Variants in SAMMSON observed in about 807,000 individuals in gnomAD.
SAMMSON encodes long intergenic non-protein coding RNA 1212.
intron 4 of SAMMSON, among the ~76,000 whole-genome samples, chr3:70,220,919 G>GGGCTT (rs1249286717): frequency 6.6e-6 from 1 of 152,118 alleles, no homozygotes; most frequent in Non-Finnish European, 1.5e-5. Flanking sequence ...GCTTAGCACA[G>GGGCTT]GGCTTGGCGT....
At chr3:70,239,021 C>A (rs1012871950) in intron 4 of SAMMSON, among the ~76,000 whole-genome samples, 10 of 151,928 alleles carry the variant, frequency 6.6e-5, no homozygotes, top group Non-Finnish European at 1.5e-4. Context: ...TGAAGGTATG[C>A]CAAAAATGAT....
intron 4 of SAMMSON, chr3:70,197,284 C>G (rs1391547298): frequency 2.5e-6 from 1 of 397,468 alleles, no homozygotes; most frequent in Non-Finnish European, 4.4e-6. Context: ...ATAGCCAACT[C>G]TTAATTATTT....
chr3:70,267,767 G>T (rs1052140074), intron 6 of SAMMSON, among the ~76,000 whole-genome samples: 3 of 151,750 alleles, frequency 2.0e-5, no homozygotes, highest in African/African-American at 7.3e-5. Context: ...TCAGATAAAG[G>T]GTCTTCACTG....
chr3:70,185,176 TCAGACTCCA>T (rs1276034153), intron 4 of SAMMSON, among the ~76,000 whole-genome samples: 1 of 152,128 alleles, frequency 6.6e-6, no homozygotes, highest in Non-Finnish European at 1.5e-5. Context: ...GTTTTAAGCA[TCAGACTCCA>T]CAGAACACGG....
At chr3:70,341,382 T>C (rs1702709387) in intron 7 of SAMMSON, among the ~76,000 whole-genome samples, 2 of 152,026 alleles carry the variant, frequency 1.3e-5, no homozygotes, top group African/African-American at 2.4e-5. Context: ...TTTCCACCAA[T>C]CAAAACCCTG....
rs150687747 is a variant in SAMMSON at position 70,077,614 on chromosome 3, G to A, written n.507+6049G>A. 1.2e-3 allele frequency among the ~76,000 whole-genome samples: 186 copies of A among 152,166 alleles called. 4 individuals carry two copies. The East Asian group carries it at 0.032, about 26-fold the overall frequency. On this transcript the variant is annotated intron_variant and non_coding_transcript_variant, in intron 4 of 9. Coordinates refer to ENST00000642114, the Ensembl canonical transcript of SAMMSON. ...CATATATGTAACATGTGTTTATATAGATCCTATATCAGAATATAAAACATT... is the reference window on the plus strand; with the variant it reads ...CATATATGTAACATGTGTTTATATAAATCCTATATCAGAATATAAAACATT...
intron 3 of SAMMSON, among the ~76,000 whole-genome samples, chr3:70,040,788 G>T (rs752248865): frequency 1.3e-5 from 2 of 152,084 alleles, no homozygotes; most frequent in Non-Finnish European, 2.9e-5. Context: ...TGGAATCCAG[G>T]GGAAAATGAG....
chr3:70,210,354 C>G (rs1246003608), intron 4 of SAMMSON, among the ~76,000 whole-genome samples: 1 of 152,032 alleles, frequency 6.6e-6, no homozygotes, highest in Non-Finnish European at 1.5e-5. Context: ...TCTCATTCCT[C>G]AGTGGGAACT....
At chr3:70,399,028 G>A (rs1701115025) in intron 2 of SAMMSON, among the ~76,000 whole-genome samples, 2 of 152,176 alleles carry the variant, frequency 1.3e-5, no homozygotes. Context: ...AGAGCTAGAA[G>A]CATCTGAAAG....
chr3:70,269,592 C>A (rs974769293), intron 6 of SAMMSON, among the ~76,000 whole-genome samples: 1 of 152,130 alleles, frequency 6.6e-6, no homozygotes, highest in African/African-American at 2.4e-5. Flanking sequence ...GGTTCAGGGG[C>A]TGCCCAGTTC....
chr3:70,308,469 A>G (rs563891345), intron 7 of SAMMSON, among the ~76,000 whole-genome samples: 93 of 152,244 alleles, frequency 6.1e-4, no homozygotes, highest in African/African-American at 2.1e-3. Context: ...GTGTTTCTCA[A>G]ATAAAATTTA....
intron 7 of SAMMSON, among the ~76,000 whole-genome samples, chr3:70,296,890 T>C (rs1348378646): frequency 1.3e-5 from 2 of 151,700 alleles, no homozygotes; most frequent in African/African-American, 4.8e-5. Context: ...ATGTTTCCCA[T>C]TGCCCTTAGA....
chr3:70,060,007 T>C (rs2067181801), intron 3 of SAMMSON, among the ~76,000 whole-genome samples: 1 of 152,084 alleles, frequency 6.6e-6, no homozygotes, highest in Non-Finnish European at 1.5e-5. Flanking sequence ...TGAAGTGCTG[T>C]AGAATGTATG....
At chr3:70,035,391 A>T (rs948802184) in intron 3 of SAMMSON, among the ~76,000 whole-genome samples, 2 of 152,168 alleles carry the variant, frequency 1.3e-5, no homozygotes, top group Non-Finnish European at 2.9e-5. Context: ...GTGTACCCAG[A>T]TAATCTTCCT....
chr3:70,353,478 T>C (rs1053829674), intron 7 of SAMMSON, among the ~76,000 whole-genome samples: 1 of 152,074 alleles, frequency 6.6e-6, no homozygotes, highest in Non-Finnish European at 1.5e-5. Flanking sequence ...AGAAAAGAGA[T>C]GCATTATTCA....
chr3:70,201,789 C>T (rs76686448), intron 4 of SAMMSON, among the ~76,000 whole-genome samples: 3,286 of 152,296 alleles, frequency 0.022, 115 homozygotes, highest in East Asian at 0.15. Context: ...ATTCCCTCCT[C>T]TTGCCCTCCT....
chr3:70,294,880 T>C (rs1702274980), intron 7 of SAMMSON, among the ~76,000 whole-genome samples: 1 of 152,168 alleles, frequency 6.6e-6, no homozygotes. Context: ...AGACTATCTT[T>C]TTTTGTGAAC....
chr3:70,399,101 T>C (rs1240476308), intron 2 of SAMMSON, among the ~76,000 whole-genome samples: 1 of 152,172 alleles, frequency 6.6e-6, no homozygotes, highest in African/African-American at 2.4e-5. Context: ...GACAGAAATG[T>C]TTTTACTGGG....
chr3:70,057,066 A>T (rs944422373), intron 3 of SAMMSON, among the ~76,000 whole-genome samples: 2 of 152,066 alleles, frequency 1.3e-5, no homozygotes, highest in Admixed American at 6.6e-5. Flanking sequence ...TTAGCCAAAG[A>T]GACTGTGCAA....
Sources: allele counts gnomAD v4.1 joint callset (sites outside exome capture counted in the v4.1 genomes callset), GRCh38; gene constraint gnomAD v4.1.1; transcripts MANE v1.5; gene names NCBI Gene and HGNC (gene_info 2026-07-23, HGNC 2026-07-21).